COG5: variants seen among roughly 807,000 people sequenced by gnomAD.
COG5 encodes component of oligomeric golgi complex 5, also known as conserved oligomeric Golgi complex subunit 5.
In COG5, 86 loss-of-function variants were observed where a neutral mutation model predicts 110.4. The ratio of observed to expected loss-of-function variants is 0.78; its 90% CI spans 0.65 to 0.93. COG5 has a LOEUF of 0.93. Ranked by LOEUF, COG5 falls within the 40% of genes least tolerant of loss-of-function variation. The probability of loss-of-function intolerance (pLI) is 0.00; values close to 1 mark genes in which losing one functional copy is unlikely to be tolerated. For synonymous variants in COG5, 360 were observed against 334.6 expected (o/e 1.08, Z -0.83); for missense variants, 1,077 against 987.0 (o/e 1.09, Z -1.22).
At chr7:107,531,791 TGA>T in intron 5 of COG5, among the ~76,000 whole-genome samples, 1 of 151,952 alleles carries the variant, frequency 6.6e-6, no homozygotes, top group Non-Finnish European at 1.5e-5. Context: ...CAGAAGCCTC[TGA>T]GAGTGATTAA....
At chr7:107,255,593 C>T (rs1218744280) in intron 16 of COG5, among the ~76,000 whole-genome samples, 1 of 151,976 alleles carries the variant, frequency 6.6e-6, no homozygotes, top group Non-Finnish European at 1.5e-5. Flanking sequence ...TGTGTTTCTC[C>T]ATAGGATTTA....
chr7:107,501,716 C>T (rs1798646966), intron 6 of COG5, among the ~76,000 whole-genome samples: 1 of 152,066 alleles, frequency 6.6e-6, no homozygotes, highest in Non-Finnish European at 1.5e-5. Context: ...CTTATCTCTA[C>T]CACATACAAA....
chr7:107,372,159 T>A (rs1012814351), intron 8 of COG5, among the ~76,000 whole-genome samples: 1 of 152,158 alleles, frequency 6.6e-6, no homozygotes, highest in Non-Finnish European at 1.5e-5. Flanking sequence ...AGTTTCTATG[T>A]CCACAGTCAG....
At chr7:107,415,552 GA>G (rs985057722) in intron 6 of COG5, among the ~76,000 whole-genome samples, 1 of 149,374 alleles carries the variant, frequency 6.7e-6, no homozygotes, top group African/African-American at 2.5e-5. Context: ...TAGTCTACTA[GA>G]AAAAAAAATC....
At chr7:107,396,959 G>A (rs2129058972) in intron 7 of COG5, among the ~76,000 whole-genome samples, 1 of 152,250 alleles carries the variant, frequency 6.6e-6, no homozygotes, top group African/African-American at 2.4e-5. Context: ...GTCATTCTGT[G>A]CTTTACCAAA....
chr7:107,327,378 G>A (rs112224306), intron 10 of COG5, among the ~76,000 whole-genome samples: 2 of 152,050 alleles, frequency 1.3e-5, no homozygotes, highest in Admixed American at 6.6e-5. Context: ...TGTGACACTG[G>A]ATTTGGCAAT....
intron 7 of COG5, among the ~76,000 whole-genome samples, chr7:107,380,371 A>T (rs1815010491): frequency 6.6e-6 from 1 of 152,146 alleles, no homozygotes; most frequent in Admixed American, 6.6e-5. Flanking sequence ...ATCAATGAAT[A>T]CAGGAGCTGG....
chr7:107,447,450 G>C, intron 6 of COG5, among the ~76,000 whole-genome samples: 1 of 152,164 alleles, frequency 6.6e-6, no homozygotes, highest in Non-Finnish European at 1.5e-5. Flanking sequence ...TTTCATAAAT[G>C]TTTGTTGTTT....
chr7:107,331,494 T>C (rs1050509253), intron 10 of COG5, among the ~76,000 whole-genome samples: 34 of 151,734 alleles, frequency 2.2e-4, no homozygotes, highest in Admixed American at 3.3e-4. Context: ...AAAATCACTC[T>C]GATAATAATG....
At chr7:107,414,027 TATATTCAAAGAG>T (rs1792512352) in intron 6 of COG5, among the ~76,000 whole-genome samples, 1 of 152,198 alleles carries the variant, frequency 6.6e-6, no homozygotes, top group Non-Finnish European at 1.5e-5. Context: ...GAATAGAGCT[TATATTCAAAGAG>T]ATAGTATTCC....
intron 7 of COG5, among the ~76,000 whole-genome samples, chr7:107,379,070 C>G (rs1426861171): frequency 6.6e-6 from 1 of 152,216 alleles, no homozygotes; most frequent in Non-Finnish European, 1.5e-5. Context: ...AACGGCAGAT[C>G]TCTCTGCAGA....
rs1373068350 is a variant in COG5, at chr7:107,352,203, T to G, written c.1026+9830A>C. On this transcript the variant is annotated intron_variant, in intron 10 of 21. Coordinates refer to ENST00000297135, the MANE Select transcript of COG5 (RefSeq NM_006348.5). The stretch of plus-strand genomic sequence containing the variant: ...AAACCATCATTCTCAGCAAACTATC[T>G]CAAGGACAAAAAACCAAACACCGCA... Among the ~76,000 whole-genome samples the G allele has an allele frequency of 8.3e-5, 12 of 145,234 alleles. 1 individual carries two copies. In the East Asian group the frequency reaches 1.0e-3, roughly 13 times the overall value.
intron 10 of COG5, among the ~76,000 whole-genome samples, chr7:107,327,769 G>A (rs1187527733): frequency 2.0e-5 from 3 of 152,104 alleles, no homozygotes; most frequent in African/African-American, 7.2e-5. Flanking sequence ...ACATCCATTA[G>A]GATGGCTACT....
In COG5 at chr7:107,283,640, A is replaced by G; in HGVS notation, c.1406T>C (p.Val469Ala). Residue 469 changes from valine (V) to alanine (A), a missense_variant, in exon 13 of 22, where the codon GTT (valine) becomes GCT (alanine). Transcript: ENST00000297135. ...LSRLFDPINL[V>A]FPPGGRNPPS... ...AGGATTACGACCACCCGGGGGAAAAACCAAGTTGATAGGATCGAAGAGTCG... is the reference window on the plus strand; with the variant it reads ...AGGATTACGACCACCCGGGGGAAAAGCCAAGTTGATAGGATCGAAGAGTCG... 2 of 1,614,016 alleles carry G rather than the reference A, an allele frequency of 1.2e-6. No individual in the cohort carries two copies. The highest frequency in any genetic ancestry group is 2.7e-5 in the African/African-American group (2 of 75,044).
At chr7:107,559,805 T>C (rs866054220) in intron 1 of COG5, among the ~76,000 whole-genome samples, 7 of 152,178 alleles carry the variant, frequency 4.6e-5, no homozygotes, top group African/African-American at 1.4e-4. Context: ...GGTTTAGCAG[T>C]GGCAAATGCC....
intron 5 of COG5, among the ~76,000 whole-genome samples, chr7:107,536,586 C>T (rs1181614290): frequency 6.6e-6 from 1 of 152,088 alleles, no homozygotes; most frequent in Non-Finnish European, 1.5e-5. Flanking sequence ...AGGAGAACTA[C>T]AAACCACTCC....
intron 11 of COG5, among the ~76,000 whole-genome samples, chr7:107,315,334 G>GT (rs1808634082): frequency 6.6e-6 from 1 of 152,130 alleles, no homozygotes; most frequent in African/African-American, 2.4e-5. Context: ...ATATCTCAAT[G>GT]TATCTCTTAT....
intron 5 of COG5, among the ~76,000 whole-genome samples, chr7:107,540,300 T>A (rs191480484): frequency 2.5e-4 from 38 of 152,062 alleles, no homozygotes; most frequent in Non-Finnish European, 5.4e-4. Flanking sequence ...AAAAGATTAA[T>A]GGTGGCTCAT....
chr7:107,362,273 AT>A, intron 9 of COG5, 34 bp downstream of exon 9: 2 of 1,525,938 alleles, frequency 1.3e-6, no homozygotes, highest in East Asian at 2.3e-5. Context: ...GAGTTAATCC[AT>A]ATTAATGTTT....
Sources: gnomAD v4.1 joint callset for allele counts (sites outside exome capture counted in the v4.1 genomes callset) on GRCh38, gnomAD v4.1.1 for gene constraint, MANE v1.5 for transcripts, NCBI Gene and HGNC (gene_info 2026-07-23, HGNC 2026-07-21) for gene names.